DAGLA: variants seen among roughly 807,000 people sequenced by gnomAD.
DAGLA encodes diacylglycerol lipase-alpha.
A neutral mutation model predicts 102.6 loss-of-function variants in DAGLA; 22 were observed. That is an observed-to-expected ratio of 0.21 (90% CI 0.15 to 0.31). DAGLA has a LOEUF of 0.31. Among genes scored for constraint, DAGLA ranks in the 10% least tolerant of loss-of-function variants. The probability of loss-of-function intolerance (pLI) is 1.00; values close to 1 mark genes in which losing one functional copy is unlikely to be tolerated. For missense variants in DAGLA, 927 were observed against 1,446.6 expected, an observed-to-expected ratio of 0.64 and a Z score of 5.83; for synonymous variants, 578 against 628.9, an observed-to-expected ratio of 0.92 and a Z score of 1.21.
chr11:61,734,209 T>G lies in DAGLA; in HGVS notation c.975-640T>G, dbSNP rs1215493285. Reference sequence around the variant, plus strand: ...TGAGGGAGTGCCTGGAGTCCAGCTCTGAGTCTGAAGGGAAGCCGAGTACGT... The same window carrying G: ...TGAGGGAGTGCCTGGAGTCCAGCTCGGAGTCTGAAGGGAAGCCGAGTACGT... On this transcript the variant is annotated intron_variant, in intron 9 of 19. Coordinates refer to ENST00000257215, the MANE Select transcript of DAGLA (RefSeq NM_006133.3). This position sits in a 1 kb window ranked among gnomAD's most constrained non-coding sequence, Gnocchi z 4.2. 6.6e-6 allele frequency among the ~76,000 whole-genome samples: 1 copy of G among 151,814 alleles called. No homozygotes were observed. Among genetic ancestry groups the G allele is most frequent in the Non-Finnish European group, 1.5e-5 (1 of 67,940 alleles).
At chr11:61,689,396 T>C (rs1471262903) in intron 1 of DAGLA, among the ~76,000 whole-genome samples, 1 of 152,222 alleles carries the variant, frequency 6.6e-6, no homozygotes, top group Non-Finnish European at 1.5e-5. Context: ...CTCTTTAAAT[T>C]CAGCATAGCA....
At chr11:61,703,678 AATGG>A (rs10664991) in intron 1 of DAGLA, among the ~76,000 whole-genome samples, 39,467 of 149,446 alleles carry the variant, frequency 0.26, 5,411 homozygotes, top group East Asian at 0.48. Context: ...AGGATGGAGG[AATGG>A]ATGGATGGAT....
chr11:61,737,266 C>T lies in DAGLA; in HGVS notation c.1456C>T (p.Arg486Cys). The T allele has an allele frequency of 1.9e-6, 3 of 1,613,060 alleles. No homozygotes were observed. The highest frequency in any genetic ancestry group is 2.5e-6 in the Non-Finnish European group (3 of 1,180,038). The change falls in exon 14 of 20, where the codon CGC becomes TGC. Residue 486 changes from arginine (R) to cysteine (C), a missense_variant. Arg to Cys is a radical substitution (Grantham distance 180). This residue lies in a region of DAGLA where 218 missense variants were observed against 459.6 expected (regional missense o/e 0.47). Coordinates refer to ENST00000257215, the MANE Select transcript of DAGLA (RefSeq NM_006133.3). Reference protein sequence around the residue: ...GTAAILSFLLRPQYPTLKCFA... With the variant: ...GTAAILSFLLCPQYPTLKCFA... ...TGCTGCCATCCTCTCCTTCCTTCTG[C>T]GCCCACAGTATCCGACCCTCAAGTG...
chr11:61,717,464 C>T (rs2065244805), intron 1 of DAGLA, among the ~76,000 whole-genome samples: 1 of 152,154 alleles, frequency 6.6e-6, no homozygotes, highest in African/African-American at 2.4e-5. Context: ...CTTGCACTCC[C>T]TCCGCCTCGC....
chr11:61,741,715 G>A (rs1478280529), intron 19 of DAGLA, among the ~76,000 whole-genome samples: 3 of 151,140 alleles, frequency 2.0e-5, no homozygotes, highest in African/African-American at 7.3e-5. Context: ...AGGTTCAAGC[G>A]ATTATCCTGC....
intron 1 of DAGLA, among the ~76,000 whole-genome samples, chr11:61,703,478 G>A (rs1231632611): frequency 6.6e-6 from 1 of 152,220 alleles, no homozygotes; most frequent in Non-Finnish European, 1.5e-5. Context: ...GGCTAGAGGA[G>A]GAGTGAGGAC....
intron 19 of DAGLA, among the ~76,000 whole-genome samples, chr11:61,742,903 A>G (rs1047040955): frequency 6.6e-6 from 1 of 151,682 alleles, no homozygotes; most frequent in African/African-American, 2.4e-5. Context: ...TCAGAGCCTC[A>G]TTCTCACATT....
At chr11:61,704,622 C>T (rs1053207105) in intron 1 of DAGLA, among the ~76,000 whole-genome samples, 4 of 152,020 alleles carry the variant, frequency 2.6e-5, no homozygotes, top group African/African-American at 7.2e-5. Context: ...TGGTTTGTGT[C>T]GGGAGAGTAA....
chr11:61,724,935 T>C (rs532190661), intron 5 of DAGLA, among the ~76,000 whole-genome samples: 91 of 152,246 alleles, frequency 6.0e-4, no homozygotes, highest in Middle Eastern at 3.4e-3. Flanking sequence ...GAAGACCCTG[T>C]TGCCCTCCTT....
intron 6 of DAGLA, among the ~76,000 whole-genome samples, chr11:61,726,364 T>C (rs2065326996): frequency 6.6e-6 from 1 of 152,170 alleles, no homozygotes; most frequent in African/African-American, 2.4e-5. Context: ...AGAAGAAATA[T>C]GCAAAGTCAG....
intron 8 of DAGLA, 114 bp downstream of exon 8, chr11:61,729,122 C>G: frequency 2.3e-6 from 2 of 879,918 alleles, no homozygotes; most frequent in Non-Finnish European, 3.7e-6. Context: ...ATTGCCCCTG[C>G]CCGGTCTCCC....
intron 1 of DAGLA, among the ~76,000 whole-genome samples, chr11:61,703,996 CA>C: frequency 6.6e-6 from 1 of 152,344 alleles, no homozygotes; most frequent in African/African-American, 2.4e-5. Flanking sequence ...TGGGGAAACC[CA>C]GCAAGGCCTG....
intron 1 of DAGLA, among the ~76,000 whole-genome samples, chr11:61,682,147 T>C (rs535338678): frequency 8.5e-5 from 13 of 152,340 alleles, no homozygotes; most frequent in African/African-American, 3.1e-4. Context: ...ATCACTTTAA[T>C]TCCAGTGTTG....
At position 61,684,576 on chromosome 11, in the gene DAGLA, G is replaced by A. The variant is rs1310212230; in HGVS notation, c.-45+4072G>A. ...AAGGAGTCCAGGGAGATGCCGTGGAGGGGATTGGTGTGACCACGGGTAAGG... is the reference window on the plus strand; with the variant it reads ...AAGGAGTCCAGGGAGATGCCGTGGAAGGGATTGGTGTGACCACGGGTAAGG... On this transcript the variant is annotated intron_variant, in intron 1 of 19. Coordinates refer to ENST00000257215, the MANE Select transcript of DAGLA (RefSeq NM_006133.3). The surrounding 1 kb of genome is among the most constrained non-coding windows in gnomAD (Gnocchi z 4.5). Among the ~76,000 whole-genome samples, 1 of 152,130 alleles carries A rather than the reference G, an allele frequency of 6.6e-6. No homozygotes were observed. Among genetic ancestry groups the A allele is most frequent in the Non-Finnish European group, 1.5e-5 (1 of 68,028 alleles).
intron 10 of DAGLA, 40 bp from the exon 11 acceptor site, chr11:61,735,521 C>A (rs1467591146): frequency 1.3e-6 from 2 of 1,584,464 alleles, no homozygotes; most frequent in East Asian, 2.2e-5. Flanking sequence ...AGTGTGGCCC[C>A]ACCAGGGCCG....
Position 61,705,042 on chromosome 11 carries a change from G to A in DAGLA, c.-44-15070G>A, listed in dbSNP as rs186721555. Among the ~76,000 whole-genome samples, 385 of 152,246 alleles carry A rather than the reference G, an allele frequency of 2.5e-3. 2 individuals carry two copies. Among genetic ancestry groups the A allele is most frequent in the African/African-American group, 8.7e-3 (363 of 41,522 alleles). On this transcript the variant is annotated intron_variant, in intron 1 of 19. Transcript: ENST00000257215. ...GACTGGGCTGAGCTGAGACTGGGGG[G>A]AGGGGGAGGACACAGACTTCACCTG... is the stretch of plus-strand genomic sequence containing the variant.
At chr11:61,726,122 GT>G (rs760245855) in intron 6 of DAGLA, 40 bp downstream of exon 6, 5 of 1,583,622 alleles carry the variant, frequency 3.2e-6, no homozygotes, top group Non-Finnish European at 3.4e-6. Context: ...CTCACATCCT[GT>G]GGTCAGGTGA....
intron 1 of DAGLA, among the ~76,000 whole-genome samples, chr11:61,705,683 G>A (rs1336331903): frequency 3.3e-5 from 5 of 152,190 alleles, no homozygotes; most frequent in African/African-American, 4.8e-5. Flanking sequence ...GCACCATGTC[G>A]GCTTTTGTCA....
At chr11:61,733,551 G>T (rs998783900) in intron 9 of DAGLA, among the ~76,000 whole-genome samples, 5 of 152,246 alleles carry the variant, frequency 3.3e-5, no homozygotes, top group African/African-American at 1.2e-4. Flanking sequence ...CAGCTGGCAG[G>T]CCCAGTCACG....
Sources: allele counts gnomAD v4.1 joint callset (sites outside exome capture counted in the v4.1 genomes callset), GRCh38; gene constraint gnomAD v4.1.1; regional missense constraint gnomAD v4.1.1; non-coding constraint Gnocchi (gnomAD v3.1); transcripts MANE v1.5; gene names NCBI Gene and HGNC (gene_info 2026-07-23, HGNC 2026-07-21).